Variants in EVC2 observed in about 807,000 individuals in gnomAD.
The protein encoded by EVC2 is EvC ciliary complex subunit 2.
EVC2 carries 148 observed loss-of-function variants against 149.3 expected under a neutral mutation model. That is an observed-to-expected ratio of 0.99 (90% CI 0.87 to 1.14). EVC2 has a LOEUF of 1.14. EVC2 is among the 50% of genes most tolerant of loss of function. EVC2 has a pLI of 0.00. For synonymous variants in EVC2, 776 were observed against 649.9 expected (o/e 1.19, Z -2.95); for missense variants, 1,854 against 1,627.3 (o/e 1.14, Z -2.40).
At chr4:5,547,799 C>T (rs1194361765) in intron 21 of EVC2, among the ~76,000 whole-genome samples, 2 of 152,200 alleles carry the variant, frequency 1.3e-5, no homozygotes, top group African/African-American at 2.4e-5. Context: ...AGGGCTGAAA[C>T]ATACCCCTTG....
intron 16 of EVC2, among the ~76,000 whole-genome samples, chr4:5,601,431 A>G (rs1004925973): frequency 3.3e-5 from 5 of 152,180 alleles, no homozygotes; most frequent in Admixed American, 3.3e-4. Context: ...GATTGAAAAC[A>G]TAAATGAAAA....
At chr4:5,692,013 G>T (rs1361295277) in intron 3 of EVC2, among the ~76,000 whole-genome samples, 2 of 152,104 alleles carry the variant, frequency 1.3e-5, no homozygotes, top group African/African-American at 4.8e-5. Flanking sequence ...CTTTAAATGG[G>T]ACTGGACCCT....
intron 9 of EVC2, among the ~76,000 whole-genome samples, chr4:5,649,742 C>A (rs1234585932): frequency 6.6e-6 from 1 of 152,112 alleles, no homozygotes; most frequent in Non-Finnish European, 1.5e-5. Flanking sequence ...GCACAATAGA[C>A]CCCCAAAACC....
chr4:5,572,761 A>G (rs1260731548), intron 19 of EVC2, among the ~76,000 whole-genome samples: 3 of 152,224 alleles, frequency 2.0e-5, no homozygotes, highest in African/African-American at 7.2e-5. Flanking sequence ...TCTGCTGGTG[A>G]CACTGGCTTT....
Position 5,665,453 on chromosome 4 carries a change from C to A in EVC2, c.1005+62G>T, listed in dbSNP as rs576529509. The A allele has an allele frequency of 5.6e-6, 9 of 1,612,010 alleles. No homozygotes were observed. In the South Asian group the frequency reaches 8.8e-5, roughly 16 times the overall value. On this transcript the variant is annotated intron_variant, in intron 8 of 21. Transcript: ENST00000344408. ...GGATCCAGGGCTGAGACCCACAGAA[C>A]TGGGGGATGAACTTCAACCTCACAT...
At chr4:5,555,018 G>T (rs1416679441) in intron 21 of EVC2, among the ~76,000 whole-genome samples, 2 of 42,482 alleles carry the variant, frequency 4.7e-5, no homozygotes, top group Non-Finnish European at 7.1e-5. Context: ...GAGAGGAAGC[G>T]TGTGTGTGTG....
intron 16 of EVC2, among the ~76,000 whole-genome samples, chr4:5,598,783 A>G (rs1349438624): frequency 6.6e-6 from 1 of 152,202 alleles, no homozygotes; most frequent in African/African-American, 2.4e-5. Context: ...TGAACAGGCA[A>G]CCTACAAAAT....
exon 22 of EVC2, chr4:5,543,116 C>T: frequency 7.8e-7 from 1 of 1,289,230 alleles, no homozygotes; most frequent in Non-Finnish European, 1.0e-6. Context: ...TTGGGACAAA[C>T]TTGCAGGTAA....
chr4:5,600,234 T>C (rs911358600), intron 16 of EVC2, among the ~76,000 whole-genome samples: 1 of 152,218 alleles, frequency 6.6e-6, no homozygotes, highest in African/African-American at 2.4e-5. Context: ...GCCTACGGAG[T>C]ACCTACTGAA....
rs149414427 is a variant in EVC2 at position 5,681,261 on chromosome 4, G to A, written c.869C>T (p.Thr290Met). The part of the protein sequence containing the change: ...LFSITAEENV[T>M]VLPHHGLHAA... ...CTCAGGGCATGTCATGTCTCTTACC[G>A]TTACGTTTTCTTCTGCTGTTATGGA... The change falls in exon 7 of 22, where the codon ACG (threonine) becomes ATG (methionine). Residue 290 changes from threonine (T) to methionine (M), a missense_variant and splice_region_variant. Physicochemically the swap from Thr to Met is moderately conservative, Grantham distance 81 (BLOSUM62 -1). Transcript: ENST00000344408. 2.4e-5 allele frequency: 38 copies of A among 1,614,210 alleles called. No individual in the cohort carries two copies. The highest frequency in any genetic ancestry group is 1.1e-4 in the South Asian group (10 of 91,086).
At position 5,640,722 on chromosome 4, in the gene EVC2, G is replaced by A. The variant is rs754809515; in HGVS notation, c.1262C>T (p.Ser421Leu). ...LKNLTSSGHLSPQVERKMSAV... is the reference protein window; with the variant it reads ...LKNLTSSGHLLPQVERKMSAV... ...ACTCATTTTTCTCTCTACTTGGGGT[G>A]AGAGGTGGCCACTGCTGGTGAGATT... The change falls in exon 10 of 22, where the codon TCA becomes TTA. Residue 421 changes from serine to leucine, a missense_variant. Ser to Leu is a moderately radical substitution (Grantham distance 145, BLOSUM62 -2). Transcript: ENST00000344408. This position sits in a 1 kb window ranked among gnomAD's most constrained non-coding sequence, Gnocchi z 4.6. 1 of 1,614,102 alleles carries A rather than the reference G, an allele frequency of 6.2e-7. No homozygotes were observed.
At position 5,618,713 on chromosome 4, in the gene EVC2, C is replaced by T. The variant is rs1452914689; in HGVS notation, c.2502-31G>A. 7 of 1,560,000 alleles carry T rather than the reference C, an allele frequency of 4.5e-6. No individual in the cohort carries two copies. In the South Asian group the frequency reaches 8.2e-5, roughly 18 times the overall value. ...AGGAAGAACAGAGACACACTCTTAACACAGAGAAAGCCTGGGGGCTGGGCT... is the reference window on the plus strand; with the variant it reads ...AGGAAGAACAGAGACACACTCTTAATACAGAGAAAGCCTGGGGGCTGGGCT... On this transcript the variant is annotated intron_variant, in intron 14 of 21. Transcript: ENST00000344408. The surrounding 1 kb of genome is among the most constrained non-coding windows in gnomAD (Gnocchi z 4.4).
At position 5,576,380 on chromosome 4, in the gene EVC2, C is replaced by T. The variant is rs1197406585; in HGVS notation, c.3132G>A (p.Leu1044=). 4 of 1,614,090 alleles carry T rather than the reference C, an allele frequency of 2.5e-6. No individual in the cohort carries two copies. The highest frequency in any genetic ancestry group is 2.5e-6 in the Non-Finnish European group (3 of 1,179,998). Residue 1044 remains leucine (L), a synonymous_variant, in exon 18 of 22, where the codon CTG becomes CTA. Coordinates refer to ENST00000344408, the MANE Select transcript of EVC2 (RefSeq NM_147127.5). This position sits in a 1 kb window ranked among gnomAD's most constrained non-coding sequence, Gnocchi z 4.5. The part of the protein sequence containing the change: ...QQEAAQQQQA[L]ASWQQWVADG... ...CGGCCACCCACTGCTGCCAGCTCGC[C>T]AGGGCCTGCTGCTGCTGGGCTGCCT...
chr4:5,584,317 G>A (rs972593347), intron 17 of EVC2, among the ~76,000 whole-genome samples: 1 of 152,122 alleles, frequency 6.6e-6, no homozygotes, highest in Non-Finnish European at 1.5e-5. Flanking sequence ...GCTGCTAATA[G>A]GAAGATACAC....
intron 7 of EVC2, among the ~76,000 whole-genome samples, chr4:5,680,986 C>A (rs770634304): frequency 6.6e-6 from 1 of 152,218 alleles, no homozygotes; most frequent in Non-Finnish European, 1.5e-5. Context: ...TAGGTAGGAG[C>A]GTGACTGGAC....
At chr4:5,552,406 G>C (rs977014411) in intron 21 of EVC2, among the ~76,000 whole-genome samples, 1 of 152,054 alleles carries the variant, frequency 6.6e-6, no homozygotes, top group Non-Finnish European at 1.5e-5. Context: ...CTATTTCTTA[G>C]AGTTAATAAC....
intron 21 of EVC2, among the ~76,000 whole-genome samples, chr4:5,555,744 G>A (rs903739783): frequency 6.6e-6 from 1 of 152,172 alleles, no homozygotes; most frequent in Admixed American, 6.5e-5. Context: ...AAGCAGGCAA[G>A]AAATCAGTAA....
intron 6 of EVC2, 142 bp downstream of exon 6, chr4:5,685,228 C>T: frequency 1.2e-6 from 1 of 837,054 alleles, no homozygotes; most frequent in Non-Finnish European, 2.0e-6. Context: ...GTGTGAGACT[C>T]CAGGGCCTAT....
rs958206611 is a variant in EVC2 at position 5,670,961 on chromosome 4, C to T, written c.871-5312G>A. On this transcript the variant is annotated intron_variant, in intron 7 of 21. Transcript: ENST00000344408. The surrounding 1 kb of genome is among the most constrained non-coding windows in gnomAD (Gnocchi z 5.2). ...AATATCACCATCACCATCATCTTCA[C>T]GCCCACCACCATCAACACCATCATG... is the stretch of plus-strand genomic sequence containing the variant. Among the ~76,000 whole-genome samples, 2 of 152,094 alleles carry T rather than the reference C, an allele frequency of 1.3e-5. No homozygotes were observed. The highest frequency in any genetic ancestry group is 6.5e-5 in the Admixed American group (1 of 15,272).
Sources: allele counts gnomAD v4.1 joint callset (sites outside exome capture counted in the v4.1 genomes callset), GRCh38; gene constraint gnomAD v4.1.1; non-coding constraint Gnocchi (gnomAD v3.1); transcripts MANE v1.5; gene names NCBI Gene and HGNC (gene_info 2026-07-23, HGNC 2026-07-21).